Variants in STPG2 observed in about 807,000 individuals in gnomAD.
STPG2 encodes sperm-tail PG-rich repeat-containing protein 2.
A neutral mutation model predicts 54.2 loss-of-function variants in STPG2; 56 were observed. That is an observed-to-expected ratio of 1.03 (90% CI 0.83 to 1.29). STPG2 has a LOEUF of 1.29. STPG2 is among the 50% of genes most tolerant of loss of function. The pLI is 0.00. For missense variants in STPG2, 596 were observed against 544.9 expected (o/e 1.09, Z -0.93); for synonymous variants, 200 against 181.8 (o/e 1.10, Z -0.81).
intron 10 of STPG2, among the ~76,000 whole-genome samples, chr4:97,569,938 T>C (rs1732556347): frequency 6.6e-6 from 1 of 152,082 alleles, no homozygotes; most frequent in South Asian, 2.1e-4. Context: ...ATTATGTGCC[T>C]CCATATGTAA....
At chr4:97,649,096 G>T (rs1721993665) in intron 10 of STPG2, among the ~76,000 whole-genome samples, 1 of 152,122 alleles carries the variant, frequency 6.6e-6, no homozygotes, top group Non-Finnish European at 1.5e-5. Flanking sequence ...TTTGAGGAAA[G>T]AATAGGAGCA....
chr4:98,035,864 C>A (rs1002397498), intron 5 of STPG2, among the ~76,000 whole-genome samples: 1 of 151,976 alleles, frequency 6.6e-6, no homozygotes, highest in African/African-American at 2.4e-5. Context: ...TCAAACACTG[C>A]ATGTTCTCAC....
At chr4:97,538,596 G>C (rs1201751733) in intron 4 of STPG2, among the ~76,000 whole-genome samples, 7 of 152,196 alleles carry the variant, frequency 4.6e-5, no homozygotes, top group Admixed American at 1.3e-4. Context: ...GGGGAGAATG[G>C]AGCCAAGTTG....
chr4:97,925,035 T>C (rs1357323659), intron 8 of STPG2, among the ~76,000 whole-genome samples: 1 of 152,192 alleles, frequency 6.6e-6, no homozygotes, highest in Non-Finnish European at 1.5e-5. Flanking sequence ...ACAGATTGCA[T>C]TCTCAAAACA....
intron 9 of STPG2, among the ~76,000 whole-genome samples, chr4:97,738,237 G>A (rs1395618036): frequency 2.0e-5 from 3 of 152,150 alleles, no homozygotes; most frequent in East Asian, 3.9e-4. Flanking sequence ...GGAACAATGG[G>A]TACCAGCCAC....
chr4:97,993,292 A>G (rs1735080126), intron 5 of STPG2, among the ~76,000 whole-genome samples: 1 of 152,172 alleles, frequency 6.6e-6, no homozygotes, highest in Non-Finnish European at 1.5e-5. Flanking sequence ...TTAATCCTAA[A>G]GGAATGCTGG....
intron 10 of STPG2, among the ~76,000 whole-genome samples, chr4:97,657,038 A>G (rs952121082): frequency 6.6e-6 from 1 of 152,072 alleles, no homozygotes; most frequent in Non-Finnish European, 1.5e-5. Context: ...GTTACTGTCA[A>G]AGGAACAAAA....
chr4:98,042,891 G>C (rs1156429090), intron 5 of STPG2, among the ~76,000 whole-genome samples: 1 of 151,820 alleles, frequency 6.6e-6, no homozygotes, highest in African/African-American at 2.4e-5. Context: ...TTGTCAGTGG[G>C]GTGTTGAAGT....
intron 9 of STPG2, among the ~76,000 whole-genome samples, chr4:97,834,998 T>C (rs1225376053): frequency 6.6e-6 from 1 of 152,080 alleles, no homozygotes; most frequent in Non-Finnish European, 1.5e-5. Context: ...GTCAGAGGCA[T>C]TTGAATCAGA....
At chr4:97,477,548 C>T (rs1292296184) in intron 4 of STPG2, among the ~76,000 whole-genome samples, 1 of 149,032 alleles carries the variant, frequency 6.7e-6, no homozygotes, top group South Asian at 2.1e-4. Flanking sequence ...ACGATCTCGG[C>T]TCACTGCAAG....
intron 10 of STPG2, among the ~76,000 whole-genome samples, chr4:97,561,289 G>A (rs1732233013): frequency 6.6e-6 from 1 of 152,086 alleles, no homozygotes. Flanking sequence ...CCCACTTTTT[G>A]ATGGGGTTGT....
At chr4:97,868,185 C>T (rs889181692) in intron 8 of STPG2, among the ~76,000 whole-genome samples, 1 of 151,672 alleles carries the variant, frequency 6.6e-6, no homozygotes, top group Non-Finnish European at 1.5e-5. Flanking sequence ...TTATTTATGC[C>T]TTTAGCCATT....
At chr4:97,636,048 GCAC>G (rs1560696418) in intron 10 of STPG2, among the ~76,000 whole-genome samples, 1 of 151,986 alleles carries the variant, frequency 6.6e-6, no homozygotes, top group Admixed American at 6.6e-5. Flanking sequence ...ATTTTTTTCA[GCAC>G]CACATCACAC....
At chr4:97,778,054 C>T (rs1489192401) in intron 9 of STPG2, among the ~76,000 whole-genome samples, 1 of 152,124 alleles carries the variant, frequency 6.6e-6, no homozygotes, top group Non-Finnish European at 1.5e-5. Flanking sequence ...TGGGGTTCGT[C>T]AGACAGTGGG....
intron 10 of STPG2, among the ~76,000 whole-genome samples, chr4:97,711,114 C>A (rs1180441174): frequency 2.6e-5 from 4 of 151,886 alleles, no homozygotes; most frequent in Non-Finnish European, 5.9e-5. Context: ...AAGAATGCAT[C>A]ACAAAATGAA....
At chr4:97,970,583 A>G (rs781148450) in intron 7 of STPG2, among the ~76,000 whole-genome samples, 2 of 152,108 alleles carry the variant, frequency 1.3e-5, no homozygotes, top group Non-Finnish European at 2.9e-5. Flanking sequence ...TTAATAAATG[A>G]TGTTGGGAAA....
In STPG2 at chr4:97,674,641, C is replaced by A. The variant is rs537736110; in HGVS notation, c.1320+38058G>T. ...ATGAACTCTCAAATTTCCCTAGATT[C>A]AAACAATCAATCCTTTCAACACTAG... On this transcript the variant is annotated intron_variant, in intron 10 of 10. Coordinates refer to ENST00000295268, the MANE Select transcript of STPG2 (RefSeq NM_174952.3). Among the ~76,000 whole-genome samples the A allele has an allele frequency of 3.9e-5, 6 of 152,256 alleles. No individual in the cohort carries two copies. The South Asian group carries it at 1.2e-3, about 32-fold the overall frequency.
chr4:97,953,347 A>G (rs1422299816), intron 7 of STPG2, among the ~76,000 whole-genome samples: 1 of 152,162 alleles, frequency 6.6e-6, no homozygotes, highest in Non-Finnish European at 1.5e-5. Context: ...ACAGCTGTCT[A>G]AGTTCTAGGC....
Position 98,109,266 on chromosome 4 carries a change from A to G in STPG2, c.427T>C (p.Phe143Leu). 1 of 1,610,446 alleles carries G rather than the reference A, an allele frequency of 6.2e-7. No homozygotes were observed. Among genetic ancestry groups the G allele is most frequent in the Non-Finnish European group, 8.5e-7 (1 of 1,178,164 alleles). ...TCTTGTCTTCCTGAAGAGTTGCCAA[A>G]ATGTATACCTTTGTATTTCAAAGTT... ...NATLKYKGIH[F>L]GNSSGRQELP... The change falls in exon 4 of 11, where the codon TTT becomes CTT. Residue 143 changes from phenylalanine to leucine, a missense_variant. Coordinates refer to ENST00000295268, the MANE Select transcript of STPG2 (RefSeq NM_174952.3).
Sources: gnomAD v4.1 joint callset for allele counts (sites outside exome capture counted in the v4.1 genomes callset) on GRCh38, gnomAD v4.1.1 for gene constraint, MANE v1.5 for transcripts, NCBI Gene and HGNC (gene_info 2026-07-23, HGNC 2026-07-21) for gene names.